The following RAI1 variants were observed in gnomAD, a reference collection of about 807,000 sequenced individuals.
RAI1 encodes the protein retinoic acid induced 1.
In RAI1, 9 loss-of-function variants were observed where a neutral mutation model predicts 123.8. The ratio of observed to expected loss-of-function variants is 0.07; its 90% CI spans 0.04 to 0.13. The LOEUF (loss-of-function observed/expected upper bound fraction) is 0.13. RAI1 is among the 10% of genes least tolerant of loss of function. RAI1 has a pLI of 1.00. For synonymous variants in RAI1, 1,231 were observed against 1,127.3 expected (o/e 1.09, Z -1.84); for missense variants, 2,256 against 2,545.8 (o/e 0.89, Z 2.45).
intron 2 of RAI1, among the ~76,000 whole-genome samples, chr17:17,756,190 T>C (rs1430191287): frequency 6.6e-6 from 1 of 150,886 alleles, no homozygotes; most frequent in African/African-American, 2.5e-5. Context: ...ACAGCAGGAG[T>C]GAATGAATTT....
rs747895890 is a variant in RAI1 at position 17,794,519 on chromosome 17, C to T, written c.1571C>T (p.Pro524Leu). 33 of 1,612,586 alleles carry T rather than the reference C, an allele frequency of 2.0e-5. No homozygotes were observed. The highest frequency in any genetic ancestry group is 1.6e-4 in the Middle Eastern group (1 of 6,084). The stretch of plus-strand genomic sequence containing the variant: ...GACTACCTGAGCGGCTCCGAGGACC[C>T]ACTGGAGCGCAGCTTCCTCTACTGC... ...EADYLSGSED[P>L]LERSFLYCNQ... Residue 524 changes from proline to leucine, a missense_variant, in exon 3 of 6, where the codon CCA (proline) becomes CTA (leucine). Around this residue, in one of 7 missense-constraint regions of RAI1, gnomAD observed 357 missense variants for 480.2 expected, o/e 0.74. Transcript: ENST00000353383.
chr17:17,739,076 G>C (rs1916531645), intron 2 of RAI1, among the ~76,000 whole-genome samples: 1 of 152,198 alleles, frequency 6.6e-6, no homozygotes, highest in African/African-American at 2.4e-5. Flanking sequence ...CAAGTTGTAT[G>C]ACAAGGGAGA....
chr17:17,716,514 A>G (rs1188925175), intron 1 of RAI1, among the ~76,000 whole-genome samples: 2 of 151,970 alleles, frequency 1.3e-5, no homozygotes, highest in Non-Finnish European at 2.9e-5. Flanking sequence ...GCCCAGCCTG[A>G]GGGGGGGACA....
intron 1 of RAI1, among the ~76,000 whole-genome samples, chr17:17,698,012 C>T (rs539911904): frequency 4.9e-4 from 74 of 152,296 alleles, no homozygotes; most frequent in African/African-American, 1.7e-3. Context: ...CCTGGGTGAG[C>T]ACTGACAACA....
At chr17:17,704,453 T>G (rs972805850) in intron 1 of RAI1, among the ~76,000 whole-genome samples, 8 of 152,030 alleles carry the variant, frequency 5.3e-5, no homozygotes, top group Non-Finnish European at 8.8e-5. Flanking sequence ...GGGGGCTCTT[T>G]GTCTCCCCAG....
chr17:17,748,936 G>T (rs1392730328), intron 2 of RAI1, among the ~76,000 whole-genome samples: 1 of 152,122 alleles, frequency 6.6e-6, no homozygotes, highest in East Asian at 1.9e-4. Flanking sequence ...TTTGGCACCT[G>T]GTGGCAGGCA....
chr17:17,707,876 G>A (rs1223023076), intron 1 of RAI1, among the ~76,000 whole-genome samples: 2 of 152,174 alleles, frequency 1.3e-5, no homozygotes, highest in Non-Finnish European at 2.9e-5. Flanking sequence ...TCATAGGTGT[G>A]AGCCACCGTG....
rs1442416058 is a variant in RAI1 at position 17,714,952 on chromosome 17, G to A, written c.-148-9076G>A. ...CGCCTTCCACCTCATGGACTTCCCA[G>A]TTTAGAATGCTGCTTCCCATCCCAC... On this transcript the variant is annotated intron_variant, in intron 1 of 5. Coordinates refer to ENST00000353383, the MANE Select transcript of RAI1 (RefSeq NM_030665.4). This position sits in a 1 kb window ranked among gnomAD's most constrained non-coding sequence, Gnocchi z 4.9. Among the ~76,000 whole-genome samples, 1 of 152,224 alleles carries A rather than the reference G, an allele frequency of 6.6e-6. No individual in the cohort carries two copies. Among genetic ancestry groups the A allele is most frequent in the East Asian group, 1.9e-4 (1 of 5,196 alleles).
chr17:17,797,552 C>A lies in RAI1; in HGVS notation c.4604C>A (p.Ser1535Tyr). 1 of 1,614,038 alleles carries A rather than the reference C, an allele frequency of 6.2e-7. No individual in the cohort carries two copies. The highest frequency in any genetic ancestry group is 8.5e-7 in the Non-Finnish European group (1 of 1,179,974). Reference sequence around the variant, plus strand: ...GGCCACACCAACTACAGCAGCTATTCCAAGCGGAAGCGCCTCACTCGGGGC... The same window carrying A: ...GGCCACACCAACTACAGCAGCTATTACAAGCGGAAGCGCCTCACTCGGGGC... ...QPGHTNYSSYSKRKRLTRGRA... is the reference protein window; with the variant it reads ...QPGHTNYSSYYKRKRLTRGRA... Residue 1535 changes from serine to tyrosine, a missense_variant, in exon 3 of 6, where the codon TCC becomes TAC. Around this residue, in one of 7 missense-constraint regions of RAI1, gnomAD observed 410 missense variants for 374.6 expected, o/e 1.09. Transcript: ENST00000353383.
At chr17:17,700,431 C>T (rs777682560) in intron 1 of RAI1, among the ~76,000 whole-genome samples, 1 of 151,780 alleles carries the variant, frequency 6.6e-6, no homozygotes, top group African/African-American at 2.4e-5. Flanking sequence ...CCTCGGCGTT[C>T]GCGCGCAGCC....
rs1052599128 is a variant in RAI1, at chr17:17,794,119, C to A, written c.1171C>A (p.His391Asn). ...AFPAGITDHS[H>N]FMPLLNPSPT... ...CCCCGCAGGGATCACTGACCACAGCCACTTCATGCCCCTGCTCAATCCCTC... is the reference window on the plus strand; with the variant it reads ...CCCCGCAGGGATCACTGACCACAGCAACTTCATGCCCCTGCTCAATCCCTC... Residue 391 changes from histidine to asparagine, a missense_variant, in exon 3 of 6, where the codon CAC (histidine) becomes AAC (asparagine). His to Asn is a moderately conservative substitution (Grantham distance 68, BLOSUM62 1). Coordinates refer to ENST00000353383, the MANE Select transcript of RAI1 (RefSeq NM_030665.4). 3 of 1,614,032 alleles carry A rather than the reference C, an allele frequency of 1.9e-6. No homozygotes were observed. Among genetic ancestry groups the A allele is most frequent in the African/African-American group, 2.7e-5 (2 of 74,938 alleles).
intron 2 of RAI1, among the ~76,000 whole-genome samples, chr17:17,768,547 G>A (rs1041890044): frequency 1.3e-5 from 2 of 152,214 alleles, no homozygotes; most frequent in South Asian, 2.1e-4. Context: ...CAGTTTACAC[G>A]CCAGACATAG....
chr17:17,763,153 C>T (rs893877273), intron 2 of RAI1, among the ~76,000 whole-genome samples: 3 of 152,232 alleles, frequency 2.0e-5, no homozygotes, highest in East Asian at 1.9e-4. Context: ...TGCATCCCCC[C>T]GCTTTCCTGG....
chr17:17,777,477 T>C (rs576511156), intron 2 of RAI1: 3 of 152,242 alleles, frequency 2.0e-5, no homozygotes, highest in South Asian at 4.1e-4. Flanking sequence ...ACAGTGGTGA[T>C]TGGATTATGG....
Position 17,728,051 on chromosome 17 carries a change from GTGTGTGTGTCCGTCCC to G in RAI1, c.-17+3904_-17+3919del, listed in dbSNP as rs1048140611. 3.2e-3 allele frequency among the ~76,000 whole-genome samples: 483 copies of G among 152,152 alleles called. 3 individuals carry two copies. The highest frequency in any genetic ancestry group is 0.011 in the African/African-American group (449 of 41,486). On this transcript the variant is annotated intron_variant, in intron 2 of 5. Transcript: ENST00000353383. ...GTGTTGTGCATGCGTGCCTCTGTGT[GTGTGTGTGTCCGTCCC>G]TGTGTGTGTCCCCTCTGTGGTGTCA...
chr17:17,805,693 C>G (rs1041897238), intron 4 of RAI1, among the ~76,000 whole-genome samples: 1 of 152,156 alleles, frequency 6.6e-6, no homozygotes, highest in African/African-American at 2.4e-5. Flanking sequence ...GCTGAGCTGC[C>G]GGGACCCAGC....
chr17:17,755,933 A>G (rs1310668061), intron 2 of RAI1, among the ~76,000 whole-genome samples: 1 of 152,182 alleles, frequency 6.6e-6, no homozygotes, highest in East Asian at 1.9e-4. Flanking sequence ...TGATAAATCC[A>G]GCTGGCCGCT....
intron 2 of RAI1, among the ~76,000 whole-genome samples, chr17:17,783,653 C>T (rs537836615): frequency 9.0e-4 from 137 of 152,264 alleles, no homozygotes; most frequent in African/African-American, 3.2e-3. Flanking sequence ...CGCTGGGGCG[C>T]GCGCCCGCAC....
intron 1 of RAI1, among the ~76,000 whole-genome samples, chr17:17,722,022 T>C (rs1011877204): frequency 3.3e-5 from 5 of 152,114 alleles, no homozygotes; most frequent in African/African-American, 1.2e-4. Context: ...TGGGACATCA[T>C]TGAGCAGCAA....
Sources: gnomAD v4.1 joint callset for allele counts (sites outside exome capture counted in the v4.1 genomes callset) on GRCh38, gnomAD v4.1.1 for gene constraint, gnomAD v4.1.1 regional missense constraint, Gnocchi (gnomAD v3.1) non-coding constraint, MANE v1.5 for transcripts, NCBI Gene and HGNC (gene_info 2026-07-23, HGNC 2026-07-21) for gene names.